Variants in ADGRB3 observed in about 807,000 individuals in gnomAD.
The protein encoded by ADGRB3 is brain-specific angiogenesis inhibitor 3.
ADGRB3 carries 37 observed loss-of-function variants against 193.4 expected under a neutral mutation model. That is an observed-to-expected ratio of 0.19 (90% CI 0.15 to 0.25). The LOEUF (loss-of-function observed/expected upper bound fraction) is 0.25, where lower values mean the gene tolerates loss of function less well. Among genes scored for constraint, ADGRB3 ranks in the 10% least tolerant of loss-of-function variants. The probability of loss-of-function intolerance (pLI) is 1.00; values close to 1 mark genes in which losing one functional copy is unlikely to be tolerated. For missense variants in ADGRB3, 1,637 were observed against 1,852.9 expected, an observed-to-expected ratio of 0.88 and a Z score of 2.14; for synonymous variants, 690 against 644.2, an observed-to-expected ratio of 1.07 and a Z score of -1.08.
intron 13 of ADGRB3, among the ~76,000 whole-genome samples, chr6:69,040,710 C>CAAAAAA (rs1169004559): frequency 2.0e-5 from 1 of 50,624 alleles, no homozygotes; most frequent in African/African-American, 8.4e-5. Flanking sequence ...AAAAAAAAAA[C>CAAAAAA]AAACAAGAAT....
intron 17 of ADGRB3, among the ~76,000 whole-genome samples, chr6:69,082,492 T>C (rs149052761): frequency 1.3e-3 from 193 of 152,230 alleles, no homozygotes; most frequent in Middle Eastern, 3.4e-3. Flanking sequence ...CCCCTCTCAG[T>C]TATCTATTTT....
intron 3 of ADGRB3, among the ~76,000 whole-genome samples, chr6:68,765,469 A>G (rs1254777371): frequency 6.6e-6 from 1 of 151,682 alleles, no homozygotes; most frequent in African/African-American, 2.4e-5. Flanking sequence ...ATGAAATTAC[A>G]TTGGTAGATT....
chr6:69,388,652 G>A lies in ADGRB3; in HGVS notation c.4381-51G>A, dbSNP rs752834983. The A allele has an allele frequency of 1.5e-4, 226 of 1,528,140 alleles. 1 individual carries two copies. In the East Asian group the frequency reaches 3.8e-3, roughly 26 times the overall value. The allele number at this position is 1,528,140 out of a possible 1,614,324, so 94.7% of individuals were successfully genotyped here. The stretch of plus-strand genomic sequence containing the variant: ...TCTCTTCCTGGAAACTTCAACTAGC[G>A]GTGATCCTGGTCATCACATAAATGA... On this transcript the variant is annotated intron_variant, in intron 31 of 31. Transcript: ENST00000370598.
intron 3 of ADGRB3, 129 bp from the exon 4 acceptor site, chr6:68,930,430 G>A (rs955196882): frequency 1.7e-5 from 9 of 542,746 alleles, no homozygotes; most frequent in Non-Finnish European, 2.7e-5. Context: ...GATTAGCCTA[G>A]CAAGTTTAGA....
intron 20 of ADGRB3, among the ~76,000 whole-genome samples, chr6:69,270,671 G>T (rs554972356): frequency 6.6e-6 from 1 of 152,072 alleles, no homozygotes; most frequent in Admixed American, 6.6e-5. Flanking sequence ...CTTAAGTAAC[G>T]ATTTGTACCT....
intron 24 of ADGRB3, among the ~76,000 whole-genome samples, chr6:69,333,342 G>A (rs1403037062): frequency 1.3e-5 from 2 of 152,088 alleles, no homozygotes; most frequent in African/African-American, 4.8e-5. Context: ...TGGTCACAAA[G>A]AACAGGAGGT....
At chr6:69,021,912 G>A (rs948809813) in intron 13 of ADGRB3, among the ~76,000 whole-genome samples, 1 of 151,798 alleles carries the variant, frequency 6.6e-6, no homozygotes, top group African/African-American at 2.4e-5. Context: ...TAGGGAGCAT[G>A]TTCATAGCTT....
chr6:69,314,474 T>A (rs1768269808), intron 20 of ADGRB3, among the ~76,000 whole-genome samples: 1 of 151,656 alleles, frequency 6.6e-6, no homozygotes, highest in African/African-American at 2.4e-5. Context: ...ATTTTAATTA[T>A]GTAGAAAATA....
At chr6:69,278,933 T>C (rs925264983) in intron 20 of ADGRB3, among the ~76,000 whole-genome samples, 50 of 151,440 alleles carry the variant, frequency 3.3e-4, no homozygotes, top group African/African-American at 1.2e-3. Flanking sequence ...ATTAAAACCA[T>C]GTAAGAAAAT....
At chr6:69,362,796 T>C (rs1323321863) in intron 29 of ADGRB3, among the ~76,000 whole-genome samples, 2 of 151,988 alleles carry the variant, frequency 1.3e-5, no homozygotes, top group Non-Finnish European at 2.9e-5. Context: ...CTGCAGTTTC[T>C]TTATTTGTAA....
intron 3 of ADGRB3, among the ~76,000 whole-genome samples, chr6:68,796,958 A>C (rs997435384): frequency 6.6e-6 from 1 of 152,186 alleles, no homozygotes; most frequent in African/African-American, 2.4e-5. Context: ...AAATGCTTCC[A>C]GAGACATGAA....
intron 3 of ADGRB3, among the ~76,000 whole-genome samples, chr6:68,698,044 G>C (rs373537484): frequency 6.6e-6 from 1 of 151,740 alleles, no homozygotes; most frequent in East Asian, 1.9e-4. Context: ...ATAGATATTA[G>C]CTGGCTACAC....
At chr6:68,956,221 C>T (rs1055043399) in intron 7 of ADGRB3, 33 bp downstream of exon 7, 33 of 1,569,306 alleles carry the variant, frequency 2.1e-5, no homozygotes, top group Non-Finnish European at 2.6e-5. Context: ...CATGGGCACT[C>T]GTACCATGTA....
At chr6:69,379,305 TA>T (rs1260263478) in intron 30 of ADGRB3, among the ~76,000 whole-genome samples, 2 of 151,906 alleles carry the variant, frequency 1.3e-5, no homozygotes, top group South Asian at 4.1e-4. Context: ...TTAATTTCTT[TA>T]AAAAACGGGT....
At chr6:69,041,409 G>C (rs1771068692) in intron 13 of ADGRB3, among the ~76,000 whole-genome samples, 1 of 152,046 alleles carries the variant, frequency 6.6e-6, no homozygotes, top group African/African-American at 2.4e-5. Context: ...TCTCCTGATT[G>C]ATAAGTGAGA....
chr6:68,774,618 T>C (rs1159165394), intron 3 of ADGRB3, among the ~76,000 whole-genome samples: 1 of 151,990 alleles, frequency 6.6e-6, no homozygotes, highest in Non-Finnish European at 1.5e-5. Context: ...ATTTATTGCT[T>C]TTTTCTTTCT....
intron 3 of ADGRB3, among the ~76,000 whole-genome samples, chr6:68,825,334 T>A (rs1184408277): frequency 6.6e-6 from 1 of 152,150 alleles, no homozygotes; most frequent in Non-Finnish European, 1.5e-5. Flanking sequence ...AAGAGAAGAT[T>A]GGCATTTGCT....
At chr6:68,870,185 C>A (rs1245908674) in intron 3 of ADGRB3, among the ~76,000 whole-genome samples, 1 of 152,152 alleles carries the variant, frequency 6.6e-6, no homozygotes, top group Non-Finnish European at 1.5e-5. Context: ...AGCATTATTT[C>A]GCATGAAGAC....
intron 17 of ADGRB3, among the ~76,000 whole-genome samples, chr6:69,210,167 T>TATATATATATATATATATATATATATAG: frequency 7.7e-6 from 1 of 130,072 alleles, no homozygotes; most frequent in Non-Finnish European, 1.6e-5. Flanking sequence ...TATATATATA[T>TATATATATATATATATATATATATATAG]ATAAAGGGGA....
Sources: gnomAD v4.1 joint callset for allele counts (sites outside exome capture counted in the v4.1 genomes callset) on GRCh38, gnomAD v4.1.1 for gene constraint, MANE v1.5 for transcripts, NCBI Gene and HGNC (gene_info 2026-07-23, HGNC 2026-07-21) for gene names.